SAMD3: variants seen among roughly 807,000 people sequenced by gnomAD.
SAMD3 encodes sterile alpha motif domain containing 3, also known as sterile alpha motif domain-containing protein 3.
In SAMD3, 63 loss-of-function variants were observed where a neutral mutation model predicts 58.5. The observed-to-expected ratio is 1.08, with a 90% CI of 0.88 to 1.33. SAMD3 has a LOEUF of 1.33. Ranked by LOEUF, SAMD3 falls within the 40% of genes most tolerant of loss-of-function variation. The pLI is 0.00. For synonymous variants in SAMD3, 220 were observed against 210.3 expected (o/e 1.05, Z -0.40); for missense variants, 604 against 608.4 (o/e 0.99, Z 0.08).
intron 2 of SAMD3, among the ~76,000 whole-genome samples, chr6:130,287,213 C>A (rs1367052532): frequency 1.3e-5 from 2 of 152,204 alleles, no homozygotes; most frequent in Non-Finnish European, 1.5e-5. Flanking sequence ...AAACAATTCT[C>A]ATCCTTTGAC....
chr6:130,155,109 C>T, intron 8 of SAMD3, 84 bp from the exon 9 acceptor site: 1 of 1,030,696 alleles, frequency 9.7e-7, no homozygotes, highest in Non-Finnish European at 1.5e-6. Flanking sequence ...ACTCTTAACT[C>T]ATTCCTAAGG....
At chr6:130,285,167 A>G (rs1319400996) in intron 2 of SAMD3, among the ~76,000 whole-genome samples, 2 of 152,208 alleles carry the variant, frequency 1.3e-5, no homozygotes, top group African/African-American at 2.4e-5. Flanking sequence ...AACGTTATAT[A>G]TAGTAGACAC....
intron 5 of SAMD3, among the ~76,000 whole-genome samples, chr6:130,192,418 A>G (rs1793635642): frequency 6.6e-6 from 1 of 152,168 alleles, no homozygotes; most frequent in Non-Finnish European, 1.5e-5. Flanking sequence ...CCACAAAAGA[A>G]GTGAAAATGT....
chr6:130,267,358 T>C (rs551149382), intron 2 of SAMD3, among the ~76,000 whole-genome samples: 2 of 152,300 alleles, frequency 1.3e-5, no homozygotes, highest in African/African-American at 4.8e-5. Context: ...GATAAAAAGC[T>C]TCATCACTAC....
chr6:130,256,361 A>G (rs1433385755), intron 2 of SAMD3, among the ~76,000 whole-genome samples: 2 of 152,260 alleles, frequency 1.3e-5, no homozygotes, highest in East Asian at 3.9e-4. Flanking sequence ...GGAATCTGAG[A>G]CGACCACATG....
At position 130,238,363 on chromosome 6, in the gene SAMD3, T is replaced by C. The variant is rs1421654393; in HGVS notation, c.-187-15550A>G. On this transcript the variant is annotated intron_variant, in intron 2 of 13. Coordinates refer to the SAMD3 transcript ENST00000368134. ...TCAACTAATATTGTTTTTCTCCCTATAAAAAGTAGCATATAAAGATATTTG... is the reference window on the plus strand; with the variant it reads ...TCAACTAATATTGTTTTTCTCCCTACAAAAAGTAGCATATAAAGATATTTG... 3.3e-5 allele frequency among the ~76,000 whole-genome samples: 5 copies of C among 152,176 alleles called. No individual in the cohort carries two copies. The East Asian group carries it at 9.6e-4, about 29-fold the overall frequency.
chr6:130,271,387 T>C (rs1292138968), intron 2 of SAMD3, among the ~76,000 whole-genome samples: 7 of 152,200 alleles, frequency 4.6e-5, no homozygotes, highest in Admixed American at 4.6e-4. Context: ...ACAAATTTGA[T>C]TGGGTTAAAA....
intron 5 of SAMD3, among the ~76,000 whole-genome samples, chr6:130,194,436 C>T (rs1011737306): frequency 2.6e-5 from 4 of 152,310 alleles, no homozygotes; most frequent in African/African-American, 7.2e-5. Context: ...CCCTCAAACC[C>T]TACAACAGGA....
chr6:130,267,972 A>G (rs1333169614), intron 2 of SAMD3, among the ~76,000 whole-genome samples: 1 of 152,144 alleles, frequency 6.6e-6, no homozygotes, highest in Non-Finnish European at 1.5e-5. Flanking sequence ...CCTGCTACAA[A>G]AGCATGGTGG....
Position 130,179,605 on chromosome 6 carries a change from C to CAAA in SAMD3, c.655-3600_655-3598dup, listed in dbSNP as rs34174182. ...AAAGGGTATGGAGAGACTGTCTAGG[C>CAAA]AAAAAAAAAAAAAAAATTAAAGAGA... On this transcript the variant is annotated intron_variant, in intron 7 of 11. Coordinates refer to ENST00000439090, the MANE Select transcript of SAMD3 (RefSeq NM_001017373.4). 4.5e-4 allele frequency among the ~76,000 whole-genome samples: 54 copies of CAAA among 121,316 alleles called. No individual in the cohort carries two copies. In the East Asian group the frequency reaches 0.012, roughly 28 times the overall value. The allele number at this position is 121,316 out of a possible 152,430, so 79.6% of individuals were successfully genotyped here. A position where few individuals can be genotyped will look rare whatever the true frequency, so the allele number is the denominator to read the frequency against.
At chr6:130,233,035 G>A (rs1421936146) in intron 2 of SAMD3, among the ~76,000 whole-genome samples, 1 of 152,042 alleles carries the variant, frequency 6.6e-6, no homozygotes, top group Non-Finnish European at 1.5e-5. Flanking sequence ...CCTTCAGGAA[G>A]GACAGCACAA....
intron 1 of SAMD3, among the ~76,000 whole-genome samples, chr6:130,326,231 C>G (rs1431512429): frequency 2.6e-5 from 4 of 152,096 alleles, no homozygotes; most frequent in Non-Finnish European, 4.4e-5. Context: ...TAATTCTAGC[C>G]TCATGTTTCT....
intron 2 of SAMD3, among the ~76,000 whole-genome samples, chr6:130,280,403 C>T (rs12199323): frequency 2.0e-5 from 3 of 151,930 alleles, no homozygotes; most frequent in South Asian, 4.1e-4. Context: ...CTGTCCCCTC[C>T]GGCAGGATCT....
chr6:130,348,138 G>C (rs1777515437), intron 1 of SAMD3, among the ~76,000 whole-genome samples: 1 of 152,182 alleles, frequency 6.6e-6, no homozygotes, highest in South Asian at 2.1e-4. Context: ...AAATTGTAAA[G>C]AACATCGAGG....
rs1328708489 is a variant in SAMD3 at position 130,154,928 on chromosome 6, T to G, written c.920A>C (p.Lys307Thr). 6.2e-7 allele frequency: 1 copy of G among 1,613,616 alleles called. No individual in the cohort carries two copies. ...TATTTCCAAAGTTTGGCTCATTCTC[T>G]TGTCAATTTCTCTCCAGTCCTTTTC... is the stretch of plus-strand genomic sequence containing the variant. ...KTEKDWREIDKRMSQTLEIRR... is the reference protein window; with the variant it reads ...KTEKDWREIDTRMSQTLEIRR... The change falls in exon 9 of 12, where the codon AAG becomes ACG. Residue 307 changes from lysine (K) to threonine (T), a missense_variant. By Grantham distance (78) the Lys-to-Thr change is moderately conservative. Transcript: ENST00000439090.
intron 2 of SAMD3, among the ~76,000 whole-genome samples, chr6:130,234,644 G>A (rs1327881653): frequency 6.6e-6 from 1 of 152,188 alleles, no homozygotes; most frequent in Admixed American, 6.5e-5. Flanking sequence ...GATGATGGTT[G>A]TGCTTGAACA....
intron 5 of SAMD3, among the ~76,000 whole-genome samples, chr6:130,194,565 C>T (rs1562428022): frequency 6.6e-6 from 1 of 152,228 alleles, no homozygotes; most frequent in Non-Finnish European, 1.5e-5. Context: ...AATGCCTGAA[C>T]CACAGCGGCC....
chr6:130,242,112 A>T (rs549543226), intron 2 of SAMD3, among the ~76,000 whole-genome samples: 1 of 152,366 alleles, frequency 6.6e-6, no homozygotes, highest in African/African-American at 2.4e-5. Flanking sequence ...GATAAGTGTC[A>T]ATATTATCTG....
chr6:130,360,710 G>A (rs936179889), intron 1 of SAMD3, among the ~76,000 whole-genome samples: 2 of 152,112 alleles, frequency 1.3e-5, no homozygotes, highest in African/African-American at 4.8e-5. Flanking sequence ...AATTTATTAG[G>A]CGTGAATTTC....
Sources: gnomAD v4.1 joint callset for allele counts (sites outside exome capture counted in the v4.1 genomes callset) on GRCh38, gnomAD v4.1.1 for gene constraint, MANE v1.5 for transcripts, NCBI Gene and HGNC (gene_info 2026-07-23, HGNC 2026-07-21) for gene names.